The following ENTREP3 variants were observed in gnomAD, a reference collection of about 807,000 sequenced individuals.
ENTREP3 encodes endosomal transmembrane epsin interactor 3.
At chr1:155,253,984 T>C in the ENTREP3 span, 1 of 1,612,474 alleles carries the variant, frequency 6.2e-7, no homozygotes, top group Non-Finnish European at 8.5e-7. Context: ...CCTTCCTGAG[T>C]GGAGCAGGGA....
the ENTREP3 span, chr1:155,251,123 G>C: frequency 6.2e-7 from 1 of 1,612,574 alleles, no homozygotes; most frequent in Non-Finnish European, 8.5e-7. Context: ...CTCGTTCACA[G>C]ATGCACGAGC....
the ENTREP3 span, chr1:155,251,506 C>T: frequency 6.2e-7 from 1 of 1,612,658 alleles, no homozygotes; most frequent in Non-Finnish European, 8.5e-7. Context: ...TCTCACCTGG[C>T]TGTCTCCTCG....
the ENTREP3 span, chr1:155,248,160 G>A: frequency 1.2e-6 from 2 of 1,614,076 alleles, no homozygotes; most frequent in East Asian, 2.2e-5. Flanking sequence ...AGGTCCCCCA[G>A]GGAGTGGGCA....
chr1:155,248,682 T>G, the ENTREP3 span, among the ~76,000 whole-genome samples: 1 of 150,488 alleles, frequency 6.6e-6, no homozygotes, highest in Non-Finnish European at 1.5e-5. Context: ...GTTCAGCACC[T>G]GGCGCACAGT....
chr1:155,249,190 C>A, the ENTREP3 span, among the ~76,000 whole-genome samples: 1 of 151,894 alleles, frequency 6.6e-6, no homozygotes, highest in South Asian at 2.1e-4. Flanking sequence ...CAGGTTCAAG[C>A]GATTCTCCTG....
chr1:155,248,631 T>G, the ENTREP3 span, among the ~76,000 whole-genome samples: 7 of 148,712 alleles, frequency 4.7e-5, no homozygotes, highest in Admixed American at 4.1e-4. Context: ...AGCCAGCAAC[T>G]AGATGGTACA....
chr1:155,247,658 C>T, the ENTREP3 span: 12 of 933,952 alleles, frequency 1.3e-5, 1 homozygote, highest in South Asian at 1.8e-4. Context: ...GGGAAAGGGA[C>T]ACTTTGGGGG....
At chr1:155,254,456 G>C in the ENTREP3 span, 3 of 1,614,224 alleles carry the variant, frequency 1.9e-6, no homozygotes, top group Non-Finnish European at 2.5e-6. The surrounding 1 kb of genome is among the most constrained non-coding windows in gnomAD (Gnocchi z 4.4). Context: ...GAGAACGCCA[G>C]CTGGGGACAG....
the ENTREP3 span, chr1:155,255,293 C>A: frequency 1.3e-5 from 3 of 223,258 alleles, 1 homozygote; most frequent in South Asian, 2.0e-4. This position sits in a 1 kb window ranked among gnomAD's most constrained non-coding sequence, Gnocchi z 5.6. Context: ...GGGGAGGGGT[C>A]GGCGTGGGGT....
At chr1:155,255,352 G>T in the ENTREP3 span, 1 of 161,780 alleles carries the variant, frequency 6.2e-6, no homozygotes, top group Non-Finnish European at 1.4e-5. This position sits in a 1 kb window ranked among gnomAD's most constrained non-coding sequence, Gnocchi z 5.6. Flanking sequence ...AGTAGGATCC[G>T]GGGCCGCCTG....
At chr1:155,251,059 C>T in the ENTREP3 span, 1 of 1,588,344 alleles carries the variant, frequency 6.3e-7, no homozygotes, top group South Asian at 1.1e-5. Flanking sequence ...CCCTGGCAGC[C>T]CCGCCCTTGT....
At chr1:155,254,850 G>A in the ENTREP3 span, 3 of 1,585,710 alleles carry the variant, frequency 1.9e-6, no homozygotes, top group South Asian at 2.3e-5. The surrounding 1 kb of genome is among the most constrained non-coding windows in gnomAD (Gnocchi z 4.4). Flanking sequence ...GTCAGCGAGC[G>A]GCTGGAGTCA....
chr1:155,253,867 C>T, the ENTREP3 span: 4 of 1,612,944 alleles, frequency 2.5e-6, no homozygotes, highest in East Asian at 6.7e-5. Flanking sequence ...ACCTTGAGGG[C>T]CCCTCGGGCT....
At chr1:155,251,535 A>C in the ENTREP3 span, 3 of 1,613,954 alleles carry the variant, frequency 1.9e-6, no homozygotes, top group Non-Finnish European at 2.5e-6. Flanking sequence ...TGACTGCCTC[A>C]TAAGAAGGGG....
At chr1:155,250,853 A>AGCCTG in the ENTREP3 span, 4 of 1,565,454 alleles carry the variant, frequency 2.6e-6, no homozygotes, top group Non-Finnish European at 3.5e-6. The surrounding 1 kb of genome is among the most constrained non-coding windows in gnomAD (Gnocchi z 5.4). Context: ...GTGTAGCACC[A>AGCCTG]GCCTGGCCTG....
the ENTREP3 span, chr1:155,253,855 T>A: frequency 3.7e-6 from 6 of 1,613,060 alleles, no homozygotes; most frequent in Non-Finnish European, 5.1e-6. Flanking sequence ...GGGTGCAAGC[T>A]CACCTTGAGG....
the ENTREP3 span, chr1:155,251,468 C>T: frequency 6.5e-7 from 1 of 1,533,146 alleles, no homozygotes; most frequent in South Asian, 1.1e-5. Flanking sequence ...CAACCCGGCT[C>T]CCCAGCCCGC....
the ENTREP3 span, chr1:155,250,969 T>C: frequency 8.1e-7 from 1 of 1,230,604 alleles, no homozygotes. The surrounding 1 kb of genome is among the most constrained non-coding windows in gnomAD (Gnocchi z 5.4). Context: ...GGGTTCCAAG[T>C]TGCCACAGCC....
chr1:155,248,390 A>C, the ENTREP3 span: 1 of 1,614,042 alleles, frequency 6.2e-7, no homozygotes, highest in Non-Finnish European at 8.5e-7. Context: ...CTGGGGCGCA[A>C]ACCACATGCC....
Sources: gnomAD v4.1 joint callset for allele counts (sites outside exome capture counted in the v4.1 genomes callset) on GRCh38, gnomAD v4.1.1 for gene constraint, Gnocchi (gnomAD v3.1) non-coding constraint, MANE v1.5 for transcripts, NCBI Gene and HGNC (gene_info 2026-07-23, HGNC 2026-07-21) for gene names.